The following PCID2 variants were observed in gnomAD, a reference collection of about 807,000 sequenced individuals.
PCID2 encodes the protein PCI domain-containing protein 2.
Under a neutral mutation model 61.3 loss-of-function variants are expected in PCID2, and 41 were observed. The ratio of observed to expected loss-of-function variants is 0.67; its 90% confidence interval spans 0.52 to 0.87. The LOEUF is 0.87. Ranked by LOEUF, PCID2 falls within the 40% of genes least tolerant of loss-of-function variation. PCID2 has a pLI of 0.00. For synonymous variants in PCID2, 187 were observed against 177.8 expected, an observed-to-expected ratio of 1.05 and a Z score of -0.41; for missense variants, 392 against 493.4, an observed-to-expected ratio of 0.79 and a Z score of 1.95.
intron 7 of PCID2, chr13:113,188,527 A>G (rs1367677490): frequency 1.3e-5 from 2 of 152,214 alleles, no homozygotes; most frequent in African/African-American, 2.4e-5. Context: ...CCTCATTTGC[A>G]TGCTCCGTGA....
At chr13:113,187,641 G>A (rs555708439) in intron 7 of PCID2, 1 of 152,108 alleles carries the variant, frequency 6.6e-6, no homozygotes, top group Non-Finnish European at 1.5e-5. Context: ...GGTCACTTGC[G>A]TATTTTGTTT....
At chr13:113,200,128 C>G (rs577039343) in intron 2 of PCID2, among the ~76,000 whole-genome samples, 1 of 152,116 alleles carries the variant, frequency 6.6e-6, no homozygotes, top group Admixed American at 6.5e-5. Flanking sequence ...GCTTTGGGGA[C>G]GCACAGGCCT....
At position 113,181,212 on chromosome 13, in the gene PCID2, AATGAC is replaced by A. The variant is rs754826919; in HGVS notation, c.699_703del (p.Ser234CysfsTer3). On this transcript the variant is annotated frameshift_variant, in exon 10 of 14. Transcript: ENST00000337344. LOFTEE classifies it high-confidence loss of function. Reference sequence around the variant, plus strand: ...AGAACGGTGACAATGCTCAAAGGCAAATGACAGGTACTCCTCAGCTGCAAAGAAGG... The same window carrying A: ...AGAACGGTGACAATGCTCAAAGGCAAAGGTACTCCTCAGCTGCAAAGAAGG... The A allele has an allele frequency of 1.2e-6, 2 of 1,612,860 alleles. No individual in the cohort carries two copies. The highest frequency in any genetic ancestry group is 1.7e-6 in the Non-Finnish European group (2 of 1,178,898).
chr13:113,176,395 G>T (rs2037185733), downstream of PCID2, among the ~76,000 whole-genome samples: 1 of 84,052 alleles, frequency 1.2e-5, no homozygotes, highest in African/African-American at 4.0e-5. Context: ...CTGGAGGTAA[G>T]GTCTTCAGGG....
chr13:113,182,205 C>T (rs2476319), intron 9 of PCID2, among the ~76,000 whole-genome samples: 107,426 of 151,996 alleles, frequency 0.71, 38,703 homozygotes, highest in Middle Eastern at 0.81. Flanking sequence ...GCCTAGGGAA[C>T]CCACACTGAG....
At chr13:113,205,866 A>G (rs1449608637) in intron 1 of PCID2, among the ~76,000 whole-genome samples, 1 of 152,250 alleles carries the variant, frequency 6.6e-6, no homozygotes, top group Non-Finnish European at 1.5e-5. Flanking sequence ...TGGGGTGACA[A>G]AAAATTCTGG....
intron 2 of PCID2, among the ~76,000 whole-genome samples, chr13:113,199,922 G>A (rs1220630151): frequency 6.6e-6 from 1 of 152,170 alleles, no homozygotes; most frequent in Non-Finnish European, 1.5e-5. Context: ...ACTCCAATAT[G>A]ATAAAGGGTG....
At chr13:113,168,167 A>G in the PCID2 span, among the ~76,000 whole-genome samples, 107,451 of 152,148 alleles carry the variant, frequency 0.71, 38,704 homozygotes, top group Middle Eastern at 0.81. Flanking sequence ...AGTATCCTGT[A>G]AAGAAGTTTA....
In PCID2 at chr13:113,183,823, C is replaced by T. The variant is rs184824303; in HGVS notation, c.685+523G>A. Reference sequence around the variant, plus strand: ...AATACAATAGTGTCAGGTGTGGCAGCGACACGCCGTGCGAGGCTGTTTAAA... The same window carrying T: ...AATACAATAGTGTCAGGTGTGGCAGTGACACGCCGTGCGAGGCTGTTTAAA... On this transcript the variant is annotated intron_variant, in intron 9 of 13. Coordinates refer to ENST00000337344, the MANE Select transcript of PCID2 (RefSeq NM_001127202.4). 22 of 984,906 alleles carry T rather than the reference C, an allele frequency of 2.2e-5. No individual in the cohort carries two copies. In the Admixed American group the frequency reaches 1.1e-3, roughly 50 times the overall value. The allele number at this position is 984,906 out of a possible 1,614,324, so 61.0% of individuals were successfully genotyped here. A position where few individuals can be genotyped will look rare whatever the true frequency, so the allele number is the denominator to read the frequency against.
chr13:113,208,587 G>C lies in PCID2; in HGVS notation c.36+12C>G, dbSNP rs1208206106. ...CAACCACGCCGCCGCGCGCTCCCCGGCTAGGACCCACCTGCTGCAGGTACT... is the reference window on the plus strand; with the variant it reads ...CAACCACGCCGCCGCGCGCTCCCCGCCTAGGACCCACCTGCTGCAGGTACT... On this transcript the variant is annotated intron_variant, in intron 1 of 13. Transcript: ENST00000337344. 4.4e-6 allele frequency: 7 copies of C among 1,607,598 alleles called. No homozygotes were observed. The highest frequency in any genetic ancestry group is 5.9e-6 in the Non-Finnish European group (7 of 1,177,690).
At chr13:113,202,554 G>A (rs2039507752) in intron 1 of PCID2, among the ~76,000 whole-genome samples, 1 of 152,168 alleles carries the variant, frequency 6.6e-6, no homozygotes, top group Non-Finnish European at 1.5e-5. Flanking sequence ...TGAAAATGAG[G>A]AAGATCTCTA....
chr13:113,172,213 A>G, the PCID2 span: 20 of 1,458,596 alleles, frequency 1.4e-5, no homozygotes, highest in Non-Finnish European at 1.9e-5. Context: ...AGAGGCCGTC[A>G]CAGCCCCAGA....
intron 1 of PCID2, chr13:113,208,288 G>A: frequency 1.4e-6 from 2 of 1,433,420 alleles, no homozygotes; most frequent in South Asian, 1.5e-5. Context: ...CGGACCGCCT[G>A]GGAGCGCGGC....
chr13:113,208,498 A>G (rs1595311892), intron 1 of PCID2, 101 bp downstream of exon 1: 1 of 1,546,782 alleles, frequency 6.5e-7, no homozygotes, highest in South Asian at 1.2e-5. Context: ...AAGGGTGGCG[A>G]GGCGGGAAAG....
the PCID2 span, among the ~76,000 whole-genome samples, chr13:113,168,297 C>G: frequency 2.3e-5 from 3 of 128,580 alleles, no homozygotes; most frequent in Non-Finnish European, 5.3e-5. Context: ...CCTCTGGTAT[C>G]GTTTTCCTCC....
At chr13:113,195,526 C>T (rs1376453109) in intron 5 of PCID2, among the ~76,000 whole-genome samples, 1 of 152,174 alleles carries the variant, frequency 6.6e-6, no homozygotes, top group Non-Finnish European at 1.5e-5. Flanking sequence ...ACAACTTTTA[C>T]AGCCAACTGG....
the PCID2 span, chr13:113,170,398 T>A: frequency 1.4e-6 from 2 of 1,463,818 alleles, no homozygotes; most frequent in Non-Finnish European, 1.9e-6. Context: ...TTATTGTCTG[T>A]TTTGATTTTT....
intron 8 of PCID2, 152 bp from the exon 9 acceptor site, chr13:113,184,639 C>T (rs2037935222): frequency 3.3e-6 from 2 of 604,234 alleles, no homozygotes; most frequent in Admixed American, 5.7e-5. Context: ...AGAGAGCAGC[C>T]AGCATAGATG....
the PCID2 span, chr13:113,165,183 C>T: frequency 3.3e-6 from 5 of 1,518,798 alleles, no homozygotes; most frequent in African/African-American, 5.5e-5. Flanking sequence ...CTTGTCATTT[C>T]CTAAATAGAA....
Sources: gnomAD v4.1 joint callset for allele counts (sites outside exome capture counted in the v4.1 genomes callset) on GRCh38, gnomAD v4.1.1 for gene constraint, MANE v1.5 for transcripts, NCBI Gene and HGNC (gene_info 2026-07-23, HGNC 2026-07-21) for gene names.